Variants in RSRC1 observed in about 807,000 individuals in gnomAD.
RSRC1 encodes the protein arginine and serine rich coiled-coil 1.
A neutral mutation model predicts 49.1 loss-of-function variants in RSRC1; 39 were observed. The ratio of observed to expected loss-of-function variants is 0.79; its 90% CI spans 0.61 to 1.04. The LOEUF (loss-of-function observed/expected upper bound fraction) is 1.04. Ranked by LOEUF, RSRC1 falls within the 50% of genes least tolerant of loss-of-function variation. The probability of loss-of-function intolerance (pLI) is 0.00; values close to 1 mark genes in which losing one functional copy is unlikely to be tolerated. For missense variants in RSRC1, 388 were observed against 402.4 expected, an observed-to-expected ratio of 0.96 and a Z score of 0.31; for synonymous variants, 143 against 130.8, an observed-to-expected ratio of 1.09 and a Z score of -0.63.
At chr3:158,543,143 TAAAC>T (rs1169950378) in intron 8 of RSRC1, among the ~76,000 whole-genome samples, 188 bp from the exon 9 acceptor site, 3 of 152,126 alleles carry the variant, frequency 2.0e-5, no homozygotes, top group African/African-American at 4.8e-5. Flanking sequence ...TAGTTATTCC[TAAAC>T]AAACAAATAT....
At chr3:158,316,358 T>G (rs959935184) in intron 5 of RSRC1, among the ~76,000 whole-genome samples, 1 of 151,786 alleles carries the variant, frequency 6.6e-6, no homozygotes, top group Admixed American at 6.6e-5. Context: ...CTGTCTTATG[T>G]GTACTTCCCT....
At chr3:158,505,435 C>T (rs1224891622) in intron 7 of RSRC1, among the ~76,000 whole-genome samples, 1 of 152,048 alleles carries the variant, frequency 6.6e-6, no homozygotes, top group Non-Finnish European at 1.5e-5. Flanking sequence ...ACTGATTCCC[C>T]ACTGTGGGCT....
At chr3:158,353,272 A>G (rs1349039334) in intron 5 of RSRC1, among the ~76,000 whole-genome samples, 1 of 152,218 alleles carries the variant, frequency 6.6e-6, no homozygotes, top group Non-Finnish European at 1.5e-5. Flanking sequence ...AGAGTGATGT[A>G]TCAAAGTGCA....
chr3:158,326,476 T>C (rs1402828445), intron 5 of RSRC1, among the ~76,000 whole-genome samples: 1 of 152,222 alleles, frequency 6.6e-6, no homozygotes, highest in Non-Finnish European at 1.5e-5. Context: ...TTTCTGCATC[T>C]ATTGAGATAA....
chr3:158,418,676 G>T (rs540550121), intron 6 of RSRC1, among the ~76,000 whole-genome samples: 4 of 151,994 alleles, frequency 2.6e-5, no homozygotes, highest in Non-Finnish European at 5.9e-5. Context: ...AATCATTGCT[G>T]CACCTGCCTC....
At chr3:158,363,570 G>A (rs73170344) in intron 6 of RSRC1, among the ~76,000 whole-genome samples, 20,483 of 152,040 alleles carry the variant, frequency 0.13, 1,500 homozygotes, top group Middle Eastern at 0.2. Context: ...CAGCCCTCGA[G>A]CTACTTCTAA....
At chr3:158,146,550 TTTGTG>T (rs1437281182) in intron 3 of RSRC1, among the ~76,000 whole-genome samples, 1 of 152,216 alleles carries the variant, frequency 6.6e-6, no homozygotes, top group East Asian at 1.9e-4. Context: ...ATTGAGGATT[TTTGTG>T]TCAATGTACA....
intron 4 of RSRC1, among the ~76,000 whole-genome samples, chr3:158,254,645 G>A (rs1724427187): frequency 6.6e-6 from 1 of 151,934 alleles, no homozygotes; most frequent in Non-Finnish European, 1.5e-5. Context: ...TGTTACCCAG[G>A]GTGTTCTTGA....
At chr3:158,430,037 T>C (rs950663368) in intron 6 of RSRC1, among the ~76,000 whole-genome samples, 3 of 150,860 alleles carry the variant, frequency 2.0e-5, no homozygotes, top group Non-Finnish European at 4.4e-5. Flanking sequence ...TCATGCTAAG[T>C]ATTTTTAACA....
In RSRC1 at chr3:158,439,405, G is replaced by A. The variant is rs534720429; in HGVS notation, c.584-21530G>A. ...CACTATTCACAATAGCAAAGACTTGGAACCAACCCAAATGTCCATCAATGA... is the reference window on the plus strand; with the variant it reads ...CACTATTCACAATAGCAAAGACTTGAAACCAACCCAAATGTCCATCAATGA... On this transcript the variant is annotated intron_variant, in intron 6 of 9. Transcript: ENST00000611884. Among the ~76,000 whole-genome samples, 3 of 152,152 alleles carry A rather than the reference G, an allele frequency of 2.0e-5. No individual in the cohort carries two copies. In the South Asian group the frequency reaches 6.2e-4, roughly 32 times the overall value.
At chr3:158,150,222 A>G (rs1717436524) in intron 3 of RSRC1, among the ~76,000 whole-genome samples, 1 of 152,238 alleles carries the variant, frequency 6.6e-6, no homozygotes, top group South Asian at 2.1e-4. Context: ...TTTTAATTGA[A>G]TCATAACTGT....
intron 4 of RSRC1, among the ~76,000 whole-genome samples, chr3:158,258,747 C>A (rs1724720037): frequency 6.6e-6 from 1 of 151,614 alleles, no homozygotes; most frequent in Admixed American, 6.6e-5. Context: ...ATTCTTTTTT[C>A]TTTTGTCTCC....
chr3:158,237,632 T>G (rs1723314840), intron 4 of RSRC1, among the ~76,000 whole-genome samples: 1 of 152,164 alleles, frequency 6.6e-6, no homozygotes, highest in African/African-American at 2.4e-5. Context: ...ATATTTTCCC[T>G]TGTATAATAA....
chr3:158,492,406 C>T (rs964654545), intron 7 of RSRC1, among the ~76,000 whole-genome samples: 4 of 152,188 alleles, frequency 2.6e-5, no homozygotes, highest in African/African-American at 4.8e-5. Context: ...ACAGTACTCC[C>T]ATTATAAGAT....
intron 4 of RSRC1, among the ~76,000 whole-genome samples, chr3:158,218,599 G>T (rs1200143255): frequency 6.6e-6 from 1 of 151,634 alleles, no homozygotes; most frequent in Non-Finnish European, 1.5e-5. Context: ...GAGAATGAAA[G>T]TAGTCAGGAG....
chr3:158,428,552 C>A (rs1413265215), intron 6 of RSRC1, among the ~76,000 whole-genome samples: 2 of 151,768 alleles, frequency 1.3e-5, no homozygotes, highest in Non-Finnish European at 2.9e-5. Flanking sequence ...CATATTAAAT[C>A]ATTCATTGAA....
intron 7 of RSRC1, among the ~76,000 whole-genome samples, chr3:158,510,676 C>T (rs1174668323): frequency 6.6e-6 from 1 of 152,110 alleles, no homozygotes; most frequent in Non-Finnish European, 1.5e-5. Context: ...ACTTTTTAAG[C>T]TATTTTTAAA....
chr3:158,153,262 A>G (rs1416681605), intron 3 of RSRC1, among the ~76,000 whole-genome samples: 3 of 152,008 alleles, frequency 2.0e-5, no homozygotes, highest in Admixed American at 6.6e-5. Context: ...GTGATCTGCA[A>G]CTCTTTCTCT....
At chr3:158,501,783 T>C (rs774812447) in intron 7 of RSRC1, among the ~76,000 whole-genome samples, 2 of 152,236 alleles carry the variant, frequency 1.3e-5, no homozygotes, top group Non-Finnish European at 2.9e-5. Flanking sequence ...AAATAGTTGA[T>C]TGGTAAGTTC....
Sources: gnomAD v4.1 joint callset for allele counts (sites outside exome capture counted in the v4.1 genomes callset) on GRCh38, gnomAD v4.1.1 for gene constraint, MANE v1.5 for transcripts, NCBI Gene and HGNC (gene_info 2026-07-23, HGNC 2026-07-21) for gene names.